CSMD3: variants seen among roughly 807,000 people sequenced by gnomAD.
CSMD3 encodes the protein CUB and sushi domain-containing protein 3.
Under a neutral mutation model 435.2 loss-of-function variants are expected in CSMD3, and 177 were observed. That is an observed-to-expected ratio of 0.41 (90% CI 0.36 to 0.46). The LOEUF (loss-of-function observed/expected upper bound fraction) is 0.46. CSMD3 is among the 20% of genes least tolerant of loss of function. The probability of loss-of-function intolerance (pLI) is 0.34; values close to 1 mark genes in which losing one functional copy is unlikely to be tolerated. For missense variants in CSMD3, 4,265 were observed against 4,504.6 expected (o/e 0.95, Z 1.52); for synonymous variants, 1,656 against 1,520.5 (o/e 1.09, Z -2.07).
chr8:112,672,132 G>A (rs2075671759), intron 16 of CSMD3, among the ~76,000 whole-genome samples: 1 of 151,954 alleles, frequency 6.6e-6, no homozygotes, highest in Non-Finnish European at 1.5e-5. Flanking sequence ...TATAGGGCAG[G>A]GACAGGTACT....
chr8:113,001,556 A>G (rs1478647428), intron 6 of CSMD3, among the ~76,000 whole-genome samples: 5 of 152,070 alleles, frequency 3.3e-5, no homozygotes, highest in African/African-American at 1.2e-4. Flanking sequence ...TCTAGATCCT[A>G]CATCCCCTGT....
intron 1 of CSMD3, among the ~76,000 whole-genome samples, chr8:113,377,498 G>A (rs1279961662): frequency 6.6e-6 from 1 of 152,100 alleles, no homozygotes; most frequent in Non-Finnish European, 1.5e-5. Flanking sequence ...GCTTTCCTAG[G>A]ATTTTGTCTT....
At chr8:113,008,985 T>C (rs2086158635) in intron 6 of CSMD3, among the ~76,000 whole-genome samples, 1 of 151,516 alleles carries the variant, frequency 6.6e-6, no homozygotes, top group South Asian at 2.1e-4. Flanking sequence ...ATATTAGTAA[T>C]ATTTTATATA....
intron 1 of CSMD3, among the ~76,000 whole-genome samples, chr8:113,417,299 AATG>A (rs2094586204): frequency 6.6e-6 from 1 of 152,022 alleles, no homozygotes; most frequent in Non-Finnish European, 1.5e-5. Context: ...TGAGTCAAAC[AATG>A]ATGTAGAAAA....
intron 27 of CSMD3, among the ~76,000 whole-genome samples, chr8:112,548,082 A>G (rs1045286267): frequency 6.6e-6 from 1 of 152,090 alleles, no homozygotes; most frequent in African/African-American, 2.4e-5. Context: ...CTTTAATACC[A>G]CTTGTATACT....
intron 10 of CSMD3, among the ~76,000 whole-genome samples, chr8:112,910,054 GT>G (rs1322340682): frequency 1.3e-5 from 2 of 151,872 alleles, no homozygotes; most frequent in African/African-American, 4.8e-5. Flanking sequence ...AGAAAACAGA[GT>G]GTCATTTTAA....
intron 32 of CSMD3, among the ~76,000 whole-genome samples, chr8:112,457,548 T>G (rs1465735758): frequency 6.6e-6 from 1 of 152,088 alleles, no homozygotes; most frequent in Non-Finnish European, 1.5e-5. Context: ...TATCACAAAT[T>G]TAAATGTTCA....
At chr8:112,382,653 T>A (rs1478302322) in intron 37 of CSMD3, among the ~76,000 whole-genome samples, 2 of 152,220 alleles carry the variant, frequency 1.3e-5, no homozygotes, top group Admixed American at 1.3e-4. Flanking sequence ...CTTCTATATG[T>A]CAAAAGAAGC....
At chr8:112,982,374 A>G (rs972046619) in intron 6 of CSMD3, among the ~76,000 whole-genome samples, 4 of 151,952 alleles carry the variant, frequency 2.6e-5, no homozygotes, top group Admixed American at 2.0e-4. Flanking sequence ...ACATTTCACA[A>G]TAAGAGAAAG....
chr8:112,673,867 G>A (rs939132340), intron 16 of CSMD3, among the ~76,000 whole-genome samples: 1 of 152,110 alleles, frequency 6.6e-6, no homozygotes, highest in African/African-American at 2.4e-5. Context: ...TCTGTGCTGA[G>A]GGCAAGGGAG....
intron 22 of CSMD3, among the ~76,000 whole-genome samples, chr8:112,627,674 T>C (rs979527271): frequency 6.6e-6 from 1 of 152,140 alleles, no homozygotes; most frequent in African/African-American, 2.4e-5. Context: ...CTCATAAAAC[T>C]CAAAAATTTT....
chr8:113,278,500 G>A, intron 3 of CSMD3, 92 bp downstream of exon 3: 4 of 677,500 alleles, frequency 5.9e-6, no homozygotes, highest in South Asian at 4.4e-5. Context: ...ACAACATGAT[G>A]TTGTCTCAAA....
chr8:113,406,595 T>C (rs978274516), intron 1 of CSMD3, among the ~76,000 whole-genome samples: 2 of 152,146 alleles, frequency 1.3e-5, no homozygotes, highest in African/African-American at 2.4e-5. Context: ...TTATTTCATA[T>C]GTGTGTATGT....
chr8:112,554,625 T>C (rs1827962232), intron 25 of CSMD3, among the ~76,000 whole-genome samples: 1 of 151,914 alleles, frequency 6.6e-6, no homozygotes, highest in African/African-American at 2.4e-5. Context: ...CCCCCATATT[T>C]CTTTGTTATA....
rs140966223 is a variant in CSMD3 at position 112,370,500 on chromosome 8, CCT to C, written c.6136+9850_6136+9851del. ...TGGCTTATAAGCCCCACTTACTTTTCCTCTCTCATTTAATTTCCTACTACCTC... is the reference window on the plus strand; with the variant it reads ...TGGCTTATAAGCCCCACTTACTTTTCCTCTCATTTAATTTCCTACTACCTC... On this transcript the variant is annotated intron_variant, in intron 38 of 70. Coordinates refer to ENST00000297405, the MANE Select transcript of CSMD3 (RefSeq NM_198123.2). 2.2e-4 allele frequency among the ~76,000 whole-genome samples: 34 copies of C among 152,118 alleles called. No homozygotes were observed. The East Asian group carries it at 6.2e-3, about 28-fold the overall frequency.
chr8:112,739,918 A>G (rs2077265920), intron 13 of CSMD3, among the ~76,000 whole-genome samples: 1 of 151,860 alleles, frequency 6.6e-6, no homozygotes, highest in Non-Finnish European at 1.5e-5. Flanking sequence ...TATTAACACT[A>G]AACTCTCACA....
At chr8:112,947,986 T>A in intron 8 of CSMD3, 109 bp from the exon 9 acceptor site, 1 of 621,228 alleles carries the variant, frequency 1.6e-6, no homozygotes, top group East Asian at 2.8e-5. Flanking sequence ...TTTGTCACTA[T>A]AATCACTGTC....
chr8:112,950,573 T>C (rs561561891), intron 8 of CSMD3, among the ~76,000 whole-genome samples: 105 of 152,146 alleles, frequency 6.9e-4, no homozygotes, highest in African/African-American at 2.5e-3. Context: ...TACATAATAC[T>C]ATAGGTCCAG....
chr8:112,280,152 A>G (rs182008162), intron 59 of CSMD3, among the ~76,000 whole-genome samples: 46 of 152,284 alleles, frequency 3.0e-4, no homozygotes, highest in Admixed American at 2.7e-3. Flanking sequence ...CAGCAAAAGT[A>G]TATATACTCT....
Sources: gnomAD v4.1 joint callset for allele counts (sites outside exome capture counted in the v4.1 genomes callset) on GRCh38, gnomAD v4.1.1 for gene constraint, MANE v1.5 for transcripts, NCBI Gene and HGNC (gene_info 2026-07-23, HGNC 2026-07-21) for gene names.